ABCD3: variants seen among roughly 807,000 people sequenced by gnomAD.
The protein encoded by ABCD3 is ATP binding cassette subfamily D member 3.
A neutral mutation model predicts 105.5 loss-of-function variants in ABCD3; 41 were observed. The ratio of observed to expected loss-of-function variants is 0.39; its 90% CI spans 0.30 to 0.50. ABCD3 has a LOEUF of 0.50. Ranked by LOEUF, ABCD3 falls within the 20% of genes least tolerant of loss-of-function variation. The pLI is 0.84. For synonymous variants in ABCD3, 258 were observed against 269.0 expected (o/e 0.96, Z 0.40); for missense variants, 622 against 806.3 (o/e 0.77, Z 2.77).
At chr1:94,398,286 G>A in the ABCD3 span, among the ~76,000 whole-genome samples, 1 of 152,028 alleles carries the variant, frequency 6.6e-6, no homozygotes, top group South Asian at 2.1e-4. Context: ...CTGCTGACTT[G>A]TAACTTCATT....
the ABCD3 span, among the ~76,000 whole-genome samples, chr1:94,405,857 A>G: frequency 6.6e-6 from 1 of 152,042 alleles, no homozygotes; most frequent in Non-Finnish European, 1.5e-5. Flanking sequence ...GTAGGCTGCA[A>G]ATGTTTTCTT....
intron 1 of ABCD3, among the ~76,000 whole-genome samples, chr1:94,421,173 A>G (rs1049975651): frequency 6.6e-6 from 1 of 152,170 alleles, no homozygotes; most frequent in African/African-American, 2.4e-5. Flanking sequence ...AGTACCAACA[A>G]CATTCTATAT....
At chr1:94,480,889 A>G (rs2101006884) in intron 9 of ABCD3, among the ~76,000 whole-genome samples, 1 of 152,340 alleles carries the variant, frequency 6.6e-6, no homozygotes, top group Middle Eastern at 3.4e-3. Context: ...TTACAATTCA[A>G]ATTTCAACTT....
intron 20 of ABCD3, among the ~76,000 whole-genome samples, chr1:94,502,412 G>C (rs559460742): frequency 2.6e-5 from 4 of 151,766 alleles, no homozygotes; most frequent in Non-Finnish European, 5.9e-5. Flanking sequence ...AAAGATGACA[G>C]ACAGTATGTC....
At chr1:94,403,161 C>G in the ABCD3 span, among the ~76,000 whole-genome samples, 1 of 151,988 alleles carries the variant, frequency 6.6e-6, no homozygotes, top group Non-Finnish European at 1.5e-5. Flanking sequence ...GAAAATGTGG[C>G]ACTTCCTCCC....
chr1:94,464,424 G>C (rs1225904089), intron 2 of ABCD3, among the ~76,000 whole-genome samples: 1 of 151,800 alleles, frequency 6.6e-6, no homozygotes, highest in Non-Finnish European at 1.5e-5. Flanking sequence ...CGTCCTCTGT[G>C]ATGGTACCTT....
intron 1 of ABCD3, among the ~76,000 whole-genome samples, chr1:94,443,734 G>A (rs79720270): frequency 2.8e-3 from 426 of 152,100 alleles, no homozygotes; most frequent in African/African-American, 9.9e-3. Flanking sequence ...TATTGAATGG[G>A]GTGTCCTTTC....
chr1:94,489,703 G>A, intron 13 of ABCD3, 22 bp from the exon 14 acceptor site: 1 of 1,556,852 alleles, frequency 6.4e-7, no homozygotes, highest in Non-Finnish European at 8.9e-7. Context: ...TTTGATTATG[G>A]TTTCCTTTTC....
intron 1 of ABCD3, among the ~76,000 whole-genome samples, chr1:94,451,616 C>T (rs1389432474): frequency 6.6e-6 from 1 of 152,196 alleles, no homozygotes; most frequent in Non-Finnish European, 1.5e-5. Flanking sequence ...AACATCTCTG[C>T]TCATGAACTT....
intron 1 of ABCD3, among the ~76,000 whole-genome samples, chr1:94,448,881 A>AG (rs1400445090): frequency 6.6e-6 from 1 of 152,246 alleles, no homozygotes; most frequent in Non-Finnish European, 1.5e-5. Flanking sequence ...GCAAAAGCAG[A>AG]GGGGGATAAA....
In ABCD3 at chr1:94,478,529, T is replaced by A. The variant is rs746332878; in HGVS notation, c.684+214T>A. 4.3e-5 allele frequency: 69 copies of A among 1,594,930 alleles called. No homozygotes were observed. The Middle Eastern group carries it at 5.5e-4, about 13-fold the overall frequency. Reference sequence around the variant, plus strand: ...TTTAATTTTCCTTAAATTAGGTACTTGGAAAAATTTTGTGGCATTAAAAAC... The same window carrying A: ...TTTAATTTTCCTTAAATTAGGTACTAGGAAAAATTTTGTGGCATTAAAAAC... On this transcript the variant is annotated intron_variant, in intron 8 of 22. Transcript: ENST00000370214.
chr1:94,492,249 T>C (rs1302178192), intron 16 of ABCD3, among the ~76,000 whole-genome samples: 2 of 152,168 alleles, frequency 1.3e-5, no homozygotes, highest in African/African-American at 2.4e-5. Flanking sequence ...GGGATTTTTT[T>C]CCTACTGCTT....
chr1:94,456,274 T>G (rs1647558649), intron 1 of ABCD3, among the ~76,000 whole-genome samples: 2 of 120,972 alleles, frequency 1.7e-5, no homozygotes, highest in African/African-American at 3.2e-5. Context: ...TTTTTTTTTT[T>G]TTTTTTTTTT....
At chr1:94,403,619 T>G in the ABCD3 span, among the ~76,000 whole-genome samples, 1 of 152,222 alleles carries the variant, frequency 6.6e-6, no homozygotes, top group South Asian at 2.1e-4. Flanking sequence ...TGTCTGTTTA[T>G]TGTAGATATG....
intron 21 of ABCD3, among the ~76,000 whole-genome samples, chr1:94,511,299 T>A (rs2101065816): frequency 6.6e-6 from 1 of 152,298 alleles, no homozygotes; most frequent in East Asian, 1.9e-4. Context: ...TTCTTTTCTT[T>A]AAGAATGTTG....
intron 1 of ABCD3, among the ~76,000 whole-genome samples, chr1:94,438,345 A>ACACACACAC (rs1553168372): frequency 8.3e-5 from 9 of 108,884 alleles, no homozygotes; most frequent in Admixed American, 9.9e-5. Context: ...CACACACACA[A>ACACACACAC]ACTTGAAAGG....
intron 7 of ABCD3, among the ~76,000 whole-genome samples, chr1:94,476,133 A>G (rs1648728064): frequency 6.6e-6 from 1 of 152,220 alleles, no homozygotes; most frequent in South Asian, 2.1e-4. Flanking sequence ...TCTCTGCTTC[A>G]GTATCTTTAA....
intron 4 of ABCD3, among the ~76,000 whole-genome samples, chr1:94,472,585 G>A (rs1018880788): frequency 1.3e-5 from 2 of 151,918 alleles, no homozygotes; most frequent in African/African-American, 4.8e-5. Flanking sequence ...TAGAGGAAAT[G>A]TTTCATGCTA....
intron 4 of ABCD3, among the ~76,000 whole-genome samples, chr1:94,471,831 A>T (rs1648471968): frequency 6.6e-6 from 1 of 152,152 alleles, no homozygotes; most frequent in African/African-American, 2.4e-5. Flanking sequence ...AGCCTCAAAG[A>T]GACTTATTAT....
Sources: allele counts gnomAD v4.1 joint callset (sites outside exome capture counted in the v4.1 genomes callset), GRCh38; gene constraint gnomAD v4.1.1; transcripts MANE v1.5; gene names NCBI Gene and HGNC (gene_info 2026-07-23, HGNC 2026-07-21).